Variants in GPATCH2 observed in about 807,000 individuals in gnomAD.
The protein encoded by GPATCH2 is G patch domain-containing protein 2.
In GPATCH2, 51 loss-of-function variants were observed where a neutral mutation model predicts 58.0. The observed-to-expected ratio is 0.88, with a 90% CI of 0.70 to 1.11. The LOEUF is 1.11. Ranked by LOEUF, GPATCH2 falls within the 50% of genes most tolerant of loss-of-function variation. The probability of loss-of-function intolerance (pLI) is 0.00; values close to 1 mark genes in which losing one functional copy is unlikely to be tolerated. For missense variants in GPATCH2, 625 were observed against 652.2 expected (o/e 0.96, Z 0.45); for synonymous variants, 222 against 218.5 (o/e 1.02, Z -0.14).
chr1:217,435,677 A>G (rs1274053850), intron 9 of GPATCH2, among the ~76,000 whole-genome samples: 1 of 152,130 alleles, frequency 6.6e-6, no homozygotes, highest in Admixed American at 6.5e-5. Context: ...TATTCTCATT[A>G]TTATTAGGAA....
At chr1:217,481,087 T>C (rs961863702) in intron 8 of GPATCH2, among the ~76,000 whole-genome samples, 1 of 152,118 alleles carries the variant, frequency 6.6e-6, no homozygotes, top group Non-Finnish European at 1.5e-5. Context: ...TAAGACCTAG[T>C]ATTTGATAGG....
At chr1:217,618,263 G>A (rs540178817) in intron 2 of GPATCH2, among the ~76,000 whole-genome samples, 1 of 140,168 alleles carries the variant, frequency 7.1e-6, no homozygotes, top group Non-Finnish European at 1.5e-5. Context: ...TTGCTCTGTC[G>A]CAGTGGCACG....
At chr1:217,515,622 C>A (rs998505571) in intron 5 of GPATCH2, among the ~76,000 whole-genome samples, 1 of 151,990 alleles carries the variant, frequency 6.6e-6, no homozygotes, top group Non-Finnish European at 1.5e-5. Context: ...GCCGCAGAAT[C>A]GCTTGCACCC....
intron 3 of GPATCH2, among the ~76,000 whole-genome samples, chr1:217,611,803 T>C (rs1668644749): frequency 6.6e-6 from 1 of 152,186 alleles, no homozygotes; most frequent in Admixed American, 6.5e-5. Context: ...GAAGAAACTA[T>C]ATTAAATAAT....
intron 5 of GPATCH2, among the ~76,000 whole-genome samples, chr1:217,571,738 A>G (rs1034459059): frequency 6.6e-5 from 10 of 150,808 alleles, no homozygotes; most frequent in Non-Finnish European, 1.5e-4. Context: ...GAAGAAAATA[A>G]GAAAATTAGC....
chr1:217,543,476 A>G (rs1342309225), intron 5 of GPATCH2, among the ~76,000 whole-genome samples: 1 of 151,880 alleles, frequency 6.6e-6, no homozygotes, highest in East Asian at 1.9e-4. Context: ...TCAACGTGTT[A>G]GCCAGGATGG....
rs1372793623 is a variant in GPATCH2, at chr1:217,428,572, T to C, written c.*2573A>G. The C allele has an allele frequency of 1.3e-5, 2 of 152,134 alleles. No individual in the cohort carries two copies. The highest frequency in any genetic ancestry group is 2.9e-5 in the Non-Finnish European group (2 of 68,052). The allele number at this position is 152,134 out of a possible 1,614,324, so 9.4% of individuals were successfully genotyped here. A position where few individuals can be genotyped will look rare whatever the true frequency, so the allele number is the denominator to read the frequency against. Reference sequence around the variant, plus strand: ...AAGACTGAGGGCATGTCAGTAGAAGTATGGGGGAAGCTTGGGATGTTATCA... The same window carrying C: ...AAGACTGAGGGCATGTCAGTAGAAGCATGGGGGAAGCTTGGGATGTTATCA... On this transcript the variant is annotated 3_prime_UTR_variant, in exon 10 of 10. Coordinates refer to ENST00000366935, the MANE Select transcript of GPATCH2 (RefSeq NM_018040.5).
At chr1:217,515,023 T>G (rs1423791887) in intron 5 of GPATCH2, 134 bp from the exon 6 acceptor site, 1 of 614,360 alleles carries the variant, frequency 1.6e-6, no homozygotes, top group Non-Finnish European at 3.0e-6. Context: ...CAGACAACAC[T>G]GTGTGGATCA....
chr1:217,583,212 T>C (rs914154099), intron 5 of GPATCH2, among the ~76,000 whole-genome samples: 6 of 151,736 alleles, frequency 4.0e-5, no homozygotes, highest in African/African-American at 1.5e-4. Context: ...AAATGAAAAC[T>C]AGGAGAAAAG....
chr1:217,521,358 C>CAAAAAAAAAAAAAAAAAAAAAA (rs35333815), intron 5 of GPATCH2, among the ~76,000 whole-genome samples: 1 of 101,168 alleles, frequency 9.9e-6, no homozygotes. Context: ...AGGGAGACTG[C>CAAAAAAAAAAAAAAAAAAAAAA]AAAAAAAAAA....
At chr1:217,501,065 T>G (rs1234562855) in intron 6 of GPATCH2, among the ~76,000 whole-genome samples, 2 of 152,130 alleles carry the variant, frequency 1.3e-5, no homozygotes, top group Non-Finnish European at 2.9e-5. Flanking sequence ...TCCTTCATGT[T>G]GTCCTTTTAT....
At chr1:217,498,447 CT>C in intron 6 of GPATCH2, 52 bp from the exon 7 acceptor site, 1 of 1,363,644 alleles carries the variant, frequency 7.3e-7, no homozygotes, top group Non-Finnish European at 1.1e-6. Context: ...AAAGCACGTG[CT>C]CTCACATGAT....
Position 217,430,984 on chromosome 1 carries a change from C to T in GPATCH2, c.*161G>A. On this transcript the variant is annotated 3_prime_UTR_variant, in exon 10 of 10. Transcript: ENST00000366935. ...TTAGCACCATGAATTGTGATGAAAT[C>T]CCATTTCTCTCACTATGGCAGGACT... 1.6e-6 allele frequency: 1 copy of T among 614,074 alleles called. No individual in the cohort carries two copies. The highest frequency in any genetic ancestry group is 2.9e-6 in the Non-Finnish European group (1 of 342,978). The allele number at this position is 614,074 out of a possible 1,614,324, so 38.0% of individuals were successfully genotyped here.
At chr1:217,524,549 AC>A (rs1378628090) in intron 5 of GPATCH2, among the ~76,000 whole-genome samples, 1 of 151,744 alleles carries the variant, frequency 6.6e-6, no homozygotes, top group African/African-American at 2.4e-5. Context: ...AGATCACGCC[AC>A]TGCACTCCAG....
chr1:217,584,364 T>TACACACACACAC (rs753018177), intron 5 of GPATCH2, among the ~76,000 whole-genome samples: 1 of 121,552 alleles, frequency 8.2e-6, no homozygotes, highest in South Asian at 2.7e-4. Flanking sequence ...TATATATATA[T>TACACACACACAC]ACACACACAC....
intron 8 of GPATCH2, among the ~76,000 whole-genome samples, chr1:217,477,806 C>T (rs1251315470): frequency 1.3e-5 from 2 of 152,106 alleles, no homozygotes; most frequent in African/African-American, 4.8e-5. Context: ...CACCTCTGGA[C>T]CTACCTGGGG....
Position 217,619,881 on chromosome 1 carries a change from A to G in GPATCH2, c.675T>C (p.Asp225=), listed in dbSNP as rs1669094966. The G allele has an allele frequency of 6.2e-7, 1 of 1,613,502 alleles. No individual in the cohort carries two copies. The highest frequency in any genetic ancestry group is 1.7e-5 in the Admixed American group (1 of 59,976). The change falls in exon 2 of 10, where the codon GAT becomes GAC. Residue 225 remains aspartate (D), a synonymous_variant. Coordinates refer to ENST00000366935, the MANE Select transcript of GPATCH2 (RefSeq NM_018040.5). Reference sequence around the variant, plus strand: ...CCTCACTTTCTAAAACTACTCCTTCATCTTGGATTTTTGGTCCTTGTCTGA... The same window carrying G: ...CCTCACTTTCTAAAACTACTCCTTCGTCTTGGATTTTTGGTCCTTGTCTGA... ...KIIRQGPKIQ[D]EGVVLESEET...
chr1:217,522,712 A>G (rs1265799079), intron 5 of GPATCH2, among the ~76,000 whole-genome samples: 1 of 148,920 alleles, frequency 6.7e-6, no homozygotes, highest in Non-Finnish European at 1.5e-5. Context: ...CAATCTATAT[A>G]TCTTCTAAAA....
intron 5 of GPATCH2, among the ~76,000 whole-genome samples, chr1:217,521,662 G>A (rs1258746113): frequency 6.6e-6 from 1 of 152,174 alleles, no homozygotes; most frequent in Non-Finnish European, 1.5e-5. Context: ...GTACTGGAGA[G>A]GAGTAAACAC....
Sources: allele counts gnomAD v4.1 joint callset (sites outside exome capture counted in the v4.1 genomes callset), GRCh38; gene constraint gnomAD v4.1.1; transcripts MANE v1.5; gene names NCBI Gene and HGNC (gene_info 2026-07-23, HGNC 2026-07-21).